The following ARHGEF28 variants were observed in gnomAD, a reference collection of about 807,000 sequenced individuals.
ARHGEF28 encodes the protein 190 kDa guanine nucleotide exchange factor.
Under a neutral mutation model 206.6 loss-of-function variants are expected in ARHGEF28, and 152 were observed. That is an observed-to-expected ratio of 0.74 (90% CI 0.64 to 0.84). The LOEUF (loss-of-function observed/expected upper bound fraction) is 0.84, where lower values mean the gene tolerates loss of function less well. ARHGEF28 is among the 40% of genes least tolerant of loss of function. The pLI is 0.00. For missense variants in ARHGEF28, 2,028 were observed against 2,073.2 expected (o/e 0.98, Z 0.42); for synonymous variants, 763 against 776.4 (o/e 0.98, Z 0.29).
intron 2 of ARHGEF28, among the ~76,000 whole-genome samples, chr5:73,737,233 T>C (rs1750998992): frequency 6.6e-6 from 1 of 152,164 alleles, no homozygotes; most frequent in African/African-American, 2.4e-5. Context: ...CAAAAGTGTT[T>C]CCAGATTGCC....
At chr5:73,892,504 ATC>A (rs1032472853) in intron 27 of ARHGEF28, among the ~76,000 whole-genome samples, 2 of 152,072 alleles carry the variant, frequency 1.3e-5, no homozygotes, top group African/African-American at 4.8e-5. Flanking sequence ...AGTCCTGGTG[ATC>A]TCTTTCTTGC....
At chr5:73,711,031 T>C (rs1199867778) in intron 2 of ARHGEF28, among the ~76,000 whole-genome samples, 3 of 152,198 alleles carry the variant, frequency 2.0e-5, no homozygotes, top group African/African-American at 4.8e-5. Flanking sequence ...AGTAGTTCAA[T>C]TGTTCCAGCA....
chr5:73,755,587 C>T (rs567222727), intron 4 of ARHGEF28, among the ~76,000 whole-genome samples: 5 of 152,238 alleles, frequency 3.3e-5, no homozygotes, highest in South Asian at 4.2e-4. Context: ...TCATGTTACC[C>T]GCATACTATA....
chr5:73,896,866 G>A (rs1761988350), intron 29 of ARHGEF28, among the ~76,000 whole-genome samples: 1 of 152,216 alleles, frequency 6.6e-6, no homozygotes, highest in Admixed American at 6.5e-5. Flanking sequence ...AGGTGCCGGG[G>A]CAGCGGCGGA....
At chr5:73,809,231 G>C (rs1755694846) in intron 9 of ARHGEF28, among the ~76,000 whole-genome samples, 1 of 150,938 alleles carries the variant, frequency 6.6e-6, no homozygotes, top group South Asian at 2.1e-4. Flanking sequence ...ACAAAAAACT[G>C]TTTCAGTGTC....
At chr5:73,753,280 C>T (rs1365985282) in intron 4 of ARHGEF28, 78 bp downstream of exon 4, 4 of 1,408,160 alleles carry the variant, frequency 2.8e-6, no homozygotes, top group Middle Eastern at 2.2e-4. Flanking sequence ...ACTGTGTGTT[C>T]CCCTCGGCAG....
chr5:73,702,285 T>C (rs989506319), intron 2 of ARHGEF28, among the ~76,000 whole-genome samples: 1 of 152,226 alleles, frequency 6.6e-6, no homozygotes, highest in Non-Finnish European at 1.5e-5. Flanking sequence ...TAACATATCA[T>C]GTATTTAATC....
chr5:73,799,574 C>G lies in ARHGEF28; in HGVS notation c.1024+4183C>G, dbSNP rs917219558. On this transcript the variant is annotated intron_variant, in intron 9 of 35. Transcript: ENST00000513042. Reference sequence around the variant, plus strand: ...AAAGTGTGAGTGAGGTTGTGGGTGACAGACCAGATGTGGTGACACTCATAC... The same window carrying G: ...AAAGTGTGAGTGAGGTTGTGGGTGAGAGACCAGATGTGGTGACACTCATAC... Among the ~76,000 whole-genome samples the G allele has an allele frequency of 3.3e-5, 5 of 152,132 alleles. 1 individual carries two copies. Among genetic ancestry groups the G allele is most frequent in the Admixed American group, 3.3e-4 (5 of 15,262 alleles).
Position 73,846,312 on chromosome 5 carries a change from A to T in ARHGEF28, c.1472A>T (p.His491Leu). 6.2e-7 allele frequency: 1 copy of T among 1,613,778 alleles called. No homozygotes were observed. The highest frequency in any genetic ancestry group is 2.2e-5 in the East Asian group (1 of 44,862). ...ALDADSEGEG[H>L]SEPSHICYTP... The stretch of plus-strand genomic sequence containing the variant: ...GACGCCGACAGTGAAGGGGAAGGGC[A>T]TTCTGAGCCATCCCACATCTGTTAC... Residue 491 changes from histidine (H) to leucine (L), a missense_variant, in exon 12 of 36, where the codon CAT (histidine) becomes CTT (leucine). Coordinates refer to ENST00000513042, the MANE Select transcript of ARHGEF28 (RefSeq NM_001177693.2).
chr5:73,737,512 C>CTTTTCTTTTCTTTTCTT (rs1751057723), intron 2 of ARHGEF28, among the ~76,000 whole-genome samples: 1 of 104,052 alleles, frequency 9.6e-6, no homozygotes, highest in Non-Finnish European at 2.0e-5. Context: ...CTTTTCTTTT[C>CTTTTCTTTTCTTTTCTT]TTTTCTTTTC....
intron 22 of ARHGEF28, among the ~76,000 whole-genome samples, chr5:73,875,695 G>A (rs1438299606): frequency 2.0e-4 from 31 of 151,258 alleles, no homozygotes; most frequent in African/African-American, 7.0e-4. Flanking sequence ...CCCATTGCTT[G>A]TTTTTCTCAG....
At chr5:73,854,786 C>G (rs543250872) in intron 14 of ARHGEF28, among the ~76,000 whole-genome samples, 1 of 151,776 alleles carries the variant, frequency 6.6e-6, no homozygotes, top group Admixed American at 6.6e-5. Context: ...GAGCCGAGAT[C>G]GTGCCACAGC....
intron 2 of ARHGEF28, among the ~76,000 whole-genome samples, chr5:73,741,385 GTATATATATATATATATATATA>G (rs67973637): frequency 0.05 from 1,086 of 21,508 alleles, 23 homozygotes; most frequent in Middle Eastern, 0.095. Flanking sequence ...GTGTGTGTGT[GTATATATATATATATATATATA>G]TATATATATA....
Position 73,880,227 on chromosome 5 carries a change from G to A in ARHGEF28, c.2815-2245G>A, listed in dbSNP as rs573595299. Among the ~76,000 whole-genome samples, 9 of 152,316 alleles carry A rather than the reference G, an allele frequency of 5.9e-5. No homozygotes were observed. The East Asian group carries it at 9.7e-4, about 16-fold the overall frequency. On this transcript the variant is annotated intron_variant, in intron 22 of 35. Coordinates refer to ENST00000513042, the MANE Select transcript of ARHGEF28 (RefSeq NM_001177693.2). ...AGACTCCGTGGGTGTAGGACCCTCC[G>A]AGCCAGGTGTGGGATATAATATCCT...
chr5:73,641,309 G>A (rs1231805570), intron 1 of ARHGEF28, among the ~76,000 whole-genome samples: 34 of 151,894 alleles, frequency 2.2e-4, no homozygotes, highest in Admixed American at 2.2e-3. Flanking sequence ...GGGTCCCCAA[G>A]CATTAGTCTC....
At chr5:73,911,247 T>C in intron 34 of ARHGEF28, 28 bp from the exon 35 acceptor site, 2 of 1,523,030 alleles carry the variant, frequency 1.3e-6, no homozygotes, top group Non-Finnish European at 1.8e-6. Flanking sequence ...GAAAAATTAT[T>C]GTACTTTTCC....
intron 10 of ARHGEF28, among the ~76,000 whole-genome samples, chr5:73,835,529 G>A (rs548871753): frequency 2.0e-5 from 3 of 151,764 alleles, no homozygotes; most frequent in African/African-American, 7.3e-5. Context: ...CTGAATACAT[G>A]GGGGTTCCTG....
intron 1 of ARHGEF28, among the ~76,000 whole-genome samples, chr5:73,658,386 A>G (rs1332418002): frequency 1.3e-5 from 2 of 152,180 alleles, no homozygotes; most frequent in African/African-American, 4.8e-5. Context: ...GGGGAGGGTA[A>G]CACTGAAAAG....
At chr5:73,635,970 T>C (rs1743689940) in intron 1 of ARHGEF28, among the ~76,000 whole-genome samples, 1 of 152,210 alleles carries the variant, frequency 6.6e-6, no homozygotes, top group Non-Finnish European at 1.5e-5. Context: ...AACTGTTATA[T>C]AAAATACATG....
Sources: allele counts gnomAD v4.1 joint callset (sites outside exome capture counted in the v4.1 genomes callset), GRCh38; gene constraint gnomAD v4.1.1; transcripts MANE v1.5; gene names NCBI Gene and HGNC (gene_info 2026-07-23, HGNC 2026-07-21).